FOXK1: variants seen among roughly 807,000 people sequenced by gnomAD.
FOXK1 encodes forkhead box K1.
FOXK1 carries 19 observed loss-of-function variants against 51.9 expected under a neutral mutation model. That is an observed-to-expected ratio of 0.37 (90% CI 0.26 to 0.54). The LOEUF (loss-of-function observed/expected upper bound fraction) is 0.54. FOXK1 is among the 20% of genes least tolerant of loss of function. The pLI is 0.87. For synonymous variants in FOXK1, 537 were observed against 482.6 expected (o/e 1.11, Z -1.48); for missense variants, 870 against 1,032.7 (o/e 0.84, Z 2.16).
In FOXK1 at chr7:4,742,722, A is replaced by G. The variant is rs79765860; in HGVS notation, c.746+1699A>G. Among the ~76,000 whole-genome samples the G allele has an allele frequency of 3.1e-3, 471 of 152,294 alleles. 2 individuals are homozygous for G. The highest frequency in any genetic ancestry group is 5.4e-3 in the Non-Finnish European group (370 of 68,024). On this transcript the variant is annotated intron_variant, in intron 2 of 8. Coordinates refer to ENST00000328914, the MANE Select transcript of FOXK1 (RefSeq NM_001037165.2). ...GTGAGCCAACACACCCAGCCCGTAC[A>G]TGGCCTGCACCTTTTCAGGGTCCAC...
At chr7:4,720,885 A>T (rs1180678246) in intron 1 of FOXK1, among the ~76,000 whole-genome samples, 33 of 150,468 alleles carry the variant, frequency 2.2e-4, no homozygotes, top group Non-Finnish European at 4.1e-4. Context: ...CGCCCACTTA[A>T]TTTTTGTATT....
At chr7:4,754,711 C>T (rs1562390243) in intron 3 of FOXK1, 96 bp downstream of exon 3, 7 of 1,425,652 alleles carry the variant, frequency 4.9e-6, no homozygotes, top group East Asian at 2.5e-5. Context: ...GGCCTGCGGG[C>T]GTGTGCTCGA....
chr7:4,757,137 G>T lies in FOXK1; in HGVS notation c.1194G>T (p.Arg398Ser). The T allele has an allele frequency of 1.2e-6, 2 of 1,613,016 alleles. No individual in the cohort carries two copies. Among genetic ancestry groups the T allele is most frequent in the Non-Finnish European group, 1.7e-6 (2 of 1,179,898 alleles). ...TGGAACAGGCATTCCGGAAACGGAG[G>T]CAGAGGGGTGTCTCCTGCTTCCGCA... ...KLVEQAFRKRRQRGVSCFRTP... is the reference protein window; with the variant it reads ...KLVEQAFRKRSQRGVSCFRTP... Residue 398 changes from arginine (R) to serine (S), a missense_variant, in exon 5 of 9, where the codon AGG becomes AGT. Arg to Ser is a moderately radical substitution (Grantham distance 110). Transcript: ENST00000328914.
At chr7:4,751,562 C>T (rs982509493) in intron 2 of FOXK1, among the ~76,000 whole-genome samples, 2 of 152,166 alleles carry the variant, frequency 1.3e-5, no homozygotes, top group East Asian at 1.9e-4. Flanking sequence ...TTCCCGCCTC[C>T]GTCAGCTGCA....
At position 4,748,623 on chromosome 7, in the gene FOXK1, C is replaced by T. The variant is rs1780735941; in HGVS notation, c.747-5836C>T. ...GGAGAGAGGGCTGTTTCCTGATTCC[C>T]ACGTCTTCCTCTTTCCTGATTTGTT... On this transcript the variant is annotated intron_variant, in intron 2 of 8. Coordinates refer to ENST00000328914, the MANE Select transcript of FOXK1 (RefSeq NM_001037165.2). The surrounding 1 kb of genome is among the most constrained non-coding windows in gnomAD (Gnocchi z 4.9). 6.6e-6 allele frequency among the ~76,000 whole-genome samples: 1 copy of T among 152,208 alleles called. No homozygotes were observed.
At chr7:4,720,621 C>G (rs554644054) in intron 1 of FOXK1, among the ~76,000 whole-genome samples, 78 of 152,154 alleles carry the variant, frequency 5.1e-4, no homozygotes, top group Non-Finnish European at 9.7e-4. Context: ...AGCCTCAGCC[C>G]CATCTCTCCC....
At chr7:4,695,162 A>G (rs1339020133) in intron 1 of FOXK1, among the ~76,000 whole-genome samples, 3 of 152,234 alleles carry the variant, frequency 2.0e-5, no homozygotes, top group East Asian at 1.9e-4. Flanking sequence ...GCTTGGCTGT[A>G]CAGCCCTGGC....
At chr7:4,724,467 A>T (rs967737990) in intron 1 of FOXK1, among the ~76,000 whole-genome samples, 1 of 152,188 alleles carries the variant, frequency 6.6e-6, no homozygotes, top group African/African-American at 2.4e-5. Flanking sequence ...AAGTGCTGGG[A>T]TTACAGGCGT....
Position 4,682,315 on chromosome 7 carries a change from G to C in FOXK1, c.7G>C (p.Glu3Gln). The C allele has an allele frequency of 1.0e-6, 1 of 991,706 alleles. No individual in the cohort carries two copies. The highest frequency in any genetic ancestry group is 1.2e-6 in the Non-Finnish European group (1 of 836,528). The allele number at this position is 991,706 out of a possible 1,614,324, so 61.4% of individuals were successfully genotyped here. Residue 3 changes from glutamate to glutamine, a missense_variant, in exon 1 of 9, where the codon GAA becomes CAA. Physicochemically the swap from Glu to Gln is conservative, Grantham distance 29 (BLOSUM62 2). This residue lies in a region of FOXK1 where 399 missense variants were observed against 475.6 expected (regional missense o/e 0.84). Transcript: ENST00000328914. The surrounding 1 kb of genome is among the most constrained non-coding windows in gnomAD (Gnocchi z 7.6). ...CGCTCGGAGCCGCGCGAACATGGCC[G>C]AAGTCGGCGAGGACAGCGGCGCCCG... MA[E>Q]VGEDSGARAL...
chr7:4,704,465 A>G (rs1387352024), intron 1 of FOXK1, among the ~76,000 whole-genome samples: 5 of 151,668 alleles, frequency 3.3e-5, no homozygotes, highest in South Asian at 4.2e-4. Flanking sequence ...AAAAAAAAAA[A>G]AAAGAAAAGA....
rs1780753802 is a variant in FOXK1, at chr7:4,749,958, C to T, written c.747-4501C>T. Among the ~76,000 whole-genome samples, 2 of 152,238 alleles carry T rather than the reference C, an allele frequency of 1.3e-5. No individual in the cohort carries two copies. Among genetic ancestry groups the T allele is most frequent in the Admixed American group, 1.3e-4 (2 of 15,288 alleles). ...TGCACTGGCATGTCCTGGGTGGTCC[C>T]AGTGGCACCTTCTAGGCCCGGCCCC... On this transcript the variant is annotated intron_variant, in intron 2 of 8. Transcript: ENST00000328914. This position sits in a 1 kb window ranked among gnomAD's most constrained non-coding sequence, Gnocchi z 6.0.
intron 1 of FOXK1, among the ~76,000 whole-genome samples, chr7:4,692,676 A>G (rs1358285120): frequency 6.6e-6 from 1 of 151,842 alleles, no homozygotes; most frequent in Non-Finnish European, 1.5e-5. Context: ...AGCCACCCAA[A>G]GTGCTGGGAT....
rs1005249397 is a variant in FOXK1 at position 4,733,025 on chromosome 7, G to A, written c.561-7813G>A. ...CTGGGAACTTTCTCCTGAGAGCCCT[G>A]GCTCTCTCCTGCACAGCTCTGGGCT... On this transcript the variant is annotated intron_variant, in intron 1 of 8. Transcript: ENST00000328914. This position sits in a 1 kb window ranked among gnomAD's most constrained non-coding sequence, Gnocchi z 5.0. 6.6e-6 allele frequency among the ~76,000 whole-genome samples: 1 copy of A among 152,122 alleles called. No individual in the cohort carries two copies. Among genetic ancestry groups the A allele is most frequent in the Non-Finnish European group, 1.5e-5 (1 of 68,028 alleles).
In FOXK1 at chr7:4,759,158, C is replaced by T. The variant is rs766133723; in HGVS notation, c.1352C>T (p.Pro451Leu). Residue 451 changes from proline to leucine, a missense_variant, in exon 6 of 9, where the codon CCT becomes CTT. Transcript: ENST00000328914. ...SREGSPIPHD[P>L]EFGSKLASVP... Reference sequence around the variant, plus strand: ...GAGGGCTCCCCCATTCCACACGACCCTGAGTTTGGGTCCAAGTTAGCTTCT... The same window carrying T: ...GAGGGCTCCCCCATTCCACACGACCTTGAGTTTGGGTCCAAGTTAGCTTCT... 3 of 1,612,764 alleles carry T rather than the reference C, an allele frequency of 1.9e-6. No individual in the cohort carries two copies. Among genetic ancestry groups the T allele is most frequent in the Non-Finnish European group, 2.5e-6 (3 of 1,179,898 alleles).
In FOXK1 at chr7:4,759,381, C is replaced by T. The variant is rs1259438754; in HGVS notation, c.1482C>T (p.Pro494=). Residue 494 remains proline (P), a synonymous_variant, in exon 7 of 9, where the codon CCC becomes CCT. Coordinates refer to ENST00000328914, the MANE Select transcript of FOXK1 (RefSeq NM_001037165.2). ...PPRPSSLVAK[P]VAYMPASIVT... is the part of the protein sequence containing the mutation. ...GACCGTCCAGCCTCGTGGCCAAGCC[C>T]GTGGCCTACATGCCCGCCTCCATCG... 3.1e-6 allele frequency: 5 copies of T among 1,602,460 alleles called. No individual in the cohort carries two copies. Among genetic ancestry groups the T allele is most frequent in the East Asian group, 2.2e-5 (1 of 44,796 alleles).
Position 4,769,805 on chromosome 7 carries a change from A to C in FOXK1, c.*7341A>C, listed in dbSNP as rs1292699982. ...TGTTGTTTTGTTTTGTTTTAGCGTG[A>C]TACTACAATGGAAAGACTCCTAGTT... On this transcript the variant is annotated 3_prime_UTR_variant, in exon 9 of 9. Coordinates refer to ENST00000328914, the MANE Select transcript of FOXK1 (RefSeq NM_001037165.2). The surrounding 1 kb of genome is among the most constrained non-coding windows in gnomAD (Gnocchi z 4.1). 1 of 152,080 alleles carries C rather than the reference A, an allele frequency of 6.6e-6. No individual in the cohort carries two copies. Among genetic ancestry groups the C allele is most frequent in the African/African-American group, 2.4e-5 (1 of 41,404 alleles). The allele number at this position is 152,080 out of a possible 1,614,324, so 9.4% of individuals were successfully genotyped here.
In FOXK1 at chr7:4,726,949, A is replaced by AT. The variant is rs112573482; in HGVS notation, c.561-13877dup. Among the ~76,000 whole-genome samples the AT allele has an allele frequency of 8.2e-3, 1,211 of 147,802 alleles. 13 individuals are homozygous for AT. The highest frequency in any genetic ancestry group is 0.025 in the African/African-American group (1,002 of 40,628). On this transcript the variant is annotated intron_variant, in intron 1 of 8. Coordinates refer to ENST00000328914, the MANE Select transcript of FOXK1 (RefSeq NM_001037165.2). ...TATTAGTTGTCAACTACTAATTTTA[A>AT]TTTTTTTTTTTTACAAACGGGGTCT...
At chr7:4,724,856 C>T (rs1780357958) in intron 1 of FOXK1, among the ~76,000 whole-genome samples, 1 of 152,236 alleles carries the variant, frequency 6.6e-6, no homozygotes, top group Non-Finnish European at 1.5e-5. Flanking sequence ...TCTGAGACTC[C>T]CACGAGGGCT....
rs181529439 is a variant in FOXK1 at position 4,705,250 on chromosome 7, T to C, written c.560+22382T>C. Among the ~76,000 whole-genome samples, 647 of 152,224 alleles carry C rather than the reference T, an allele frequency of 4.3e-3. 6 individuals are homozygous for C. Among genetic ancestry groups the C allele is most frequent in the South Asian group, 0.015 (72 of 4,816 alleles). ...GTTACCCAGGCTGGGGGCAGTGGCA[T>C]GATCACAGCTCACTGCAGCCTCAAA... On this transcript the variant is annotated intron_variant, in intron 1 of 8. Transcript: ENST00000328914.
Sources: gnomAD v4.1 joint callset for allele counts (sites outside exome capture counted in the v4.1 genomes callset) on GRCh38, gnomAD v4.1.1 for gene constraint, gnomAD v4.1.1 regional missense constraint, Gnocchi (gnomAD v3.1) non-coding constraint, MANE v1.5 for transcripts, NCBI Gene and HGNC (gene_info 2026-07-23, HGNC 2026-07-21) for gene names.